SEC61A2: variants seen among roughly 807,000 people sequenced by gnomAD.
The protein encoded by SEC61A2 is SEC61 translocon subunit alpha 2.
A neutral mutation model predicts 59.9 loss-of-function variants in SEC61A2; 28 were observed. That is an observed-to-expected ratio of 0.47 (90% confidence interval 0.35 to 0.64). SEC61A2 has a LOEUF of 0.64. Among genes scored for constraint, SEC61A2 ranks in the 30% least tolerant of loss-of-function variants. The probability of loss-of-function intolerance (pLI) is 0.01; values close to 1 mark genes in which losing one functional copy is unlikely to be tolerated. For synonymous variants in SEC61A2, 202 were observed against 214.4 expected (o/e 0.94, Z 0.50); for missense variants, 340 against 585.9 (o/e 0.58, Z 4.33).
rs574565736 is a variant in SEC61A2 at position 12,163,475 on chromosome 10, C to A, written c.1245-793C>A. Among the ~76,000 whole-genome samples the A allele has an allele frequency of 1.5e-3, 226 of 152,122 alleles. 1 individual carries two copies. Among genetic ancestry groups the A allele is most frequent in the African/African-American group, 5.3e-3 (218 of 41,482 alleles). On this transcript the variant is annotated intron_variant, in intron 11 of 11. Transcript: ENST00000298428. ...TAGTAGCAGGGATTACAGGCACGCA[C>A]CACCATGCCCGGCTAATTTTTGTAT...
rs1384911557 is a variant in SEC61A2 at position 12,155,268 on chromosome 10, T to G, written c.463-510T>G. 7.7e-7 allele frequency: 1 copy of G among 1,299,226 alleles called. No individual in the cohort carries two copies. The highest frequency in any genetic ancestry group is 1.8e-5 in the South Asian group (1 of 54,146). 80.5% of individuals were successfully genotyped at this position (1,299,226 alleles called of 1,614,324 possible). On this transcript the variant is annotated intron_variant, in intron 6 of 11. Transcript: ENST00000298428. The surrounding 1 kb of genome is among the most constrained non-coding windows in gnomAD (Gnocchi z 4.3). The stretch of plus-strand genomic sequence containing the variant: ...AGTTTTTTATTCTGTACACATTTTA[T>G]AGAGTATACATATATATAATATATA...
chr10:12,133,011 C>G (rs1833796176), intron 1 of SEC61A2, among the ~76,000 whole-genome samples: 2 of 152,168 alleles, frequency 1.3e-5, no homozygotes, highest in Admixed American at 1.3e-4. Flanking sequence ...GCTTGGATTG[C>G]TTCACTTCTA....
chr10:12,140,172 G>A (rs1468146418), intron 3 of SEC61A2, among the ~76,000 whole-genome samples: 1 of 152,124 alleles, frequency 6.6e-6, no homozygotes, highest in African/African-American at 2.4e-5. Flanking sequence ...GTAGCCAATA[G>A]GCTGGTTGAC....
chr10:12,155,557 C>T lies in SEC61A2; in HGVS notation c.463-221C>T, dbSNP rs1834377808. Among the ~76,000 whole-genome samples, 1 of 152,158 alleles carries T rather than the reference C, an allele frequency of 6.6e-6. No homozygotes were observed. Among genetic ancestry groups the T allele is most frequent in the Non-Finnish European group, 1.5e-5 (1 of 68,032 alleles). ...AAATAGACTTTAAAAGTTGAAATGT[C>T]TGCTTTATAATACAACAGTATTTCC... On this transcript the variant is annotated intron_variant, in intron 6 of 11. Transcript: ENST00000298428. The surrounding 1 kb of genome is among the most constrained non-coding windows in gnomAD (Gnocchi z 4.3).
chr10:12,140,341 G>A (rs1833990383), intron 3 of SEC61A2, among the ~76,000 whole-genome samples: 1 of 152,168 alleles, frequency 6.6e-6, no homozygotes, highest in African/African-American at 2.4e-5. Context: ...ATTAAATATA[G>A]TGCAAAGTTT....
Position 12,158,903 on chromosome 10 carries a change from A to G in SEC61A2, c.975+798A>G, listed in dbSNP as rs984882380. Among the ~76,000 whole-genome samples, 3 of 152,126 alleles carry G rather than the reference A, an allele frequency of 2.0e-5. No homozygotes were observed. The highest frequency in any genetic ancestry group is 2.1e-4 in the South Asian group (1 of 4,832). On this transcript the variant is annotated intron_variant, in intron 9 of 11. Transcript: ENST00000298428. The surrounding 1 kb of genome is among the most constrained non-coding windows in gnomAD (Gnocchi z 5.7). ...GCTAGAGATAGGCATGCTATTAACT[A>G]GACGGTAGAGACAGCGGTGCTGCTA...
At chr10:12,168,802 C>T (rs1048476266), downstream of SEC61A2, among the ~76,000 whole-genome samples, 11 of 151,826 alleles carry the variant, frequency 7.2e-5, no homozygotes, top group African/African-American at 1.5e-4. The surrounding 1 kb of genome is among the most constrained non-coding windows in gnomAD (Gnocchi z 4.8). Flanking sequence ...CTCACTTTGT[C>T]GCCAGGCTGC....
At chr10:12,138,580 T>C (rs1351230565) in intron 3 of SEC61A2, among the ~76,000 whole-genome samples, 1 of 152,228 alleles carries the variant, frequency 6.6e-6, no homozygotes. Flanking sequence ...CCTGTGACTG[T>C]ACTTTGATTT....
intron 4 of SEC61A2, among the ~76,000 whole-genome samples, chr10:12,144,209 C>T (rs565651933): frequency 6.6e-6 from 1 of 152,098 alleles, no homozygotes; most frequent in African/African-American, 2.4e-5. Flanking sequence ...AATGCACTAG[C>T]AATTTATATA....
chr10:12,169,483 G>A (rs1834803384), downstream of SEC61A2: 2 of 569,682 alleles, frequency 3.5e-6, no homozygotes, highest in African/African-American at 1.9e-5. This position sits in a 1 kb window ranked among gnomAD's most constrained non-coding sequence, Gnocchi z 4.8. Context: ...GGTCCGCGGA[G>A]CCTCAAACCG....
chr10:12,163,832 T>A (rs938168602), intron 11 of SEC61A2, among the ~76,000 whole-genome samples: 3 of 152,172 alleles, frequency 2.0e-5, no homozygotes, highest in African/African-American at 7.2e-5. Flanking sequence ...TTAAATCCCA[T>A]TTTTCAGTTT....
Position 12,129,876 on chromosome 10 carries a change from C to T in SEC61A2, c.7+82C>T, listed in dbSNP as rs1442848486. 8.0e-6 allele frequency: 10 copies of T among 1,244,200 alleles called. No homozygotes were observed. Among genetic ancestry groups the T allele is most frequent in the Non-Finnish European group, 2.1e-6 (2 of 969,520 alleles). 77.1% of individuals were successfully genotyped at this position (1,244,200 alleles called of 1,614,324 possible). ...CTGCGGGCGGTGGGGCTGGCGCTCG[C>T]TCGGAGTCGTGGGGGCCAGGGATGC... On this transcript the variant is annotated intron_variant, in intron 1 of 11. Coordinates refer to ENST00000298428, the MANE Select transcript of SEC61A2 (RefSeq NM_018144.4). This position sits in a 1 kb window ranked among gnomAD's most constrained non-coding sequence, Gnocchi z 5.6.
chr10:12,168,029 T>A, downstream of SEC61A2: 1 of 717,694 alleles, frequency 1.4e-6, no homozygotes, highest in Non-Finnish European at 1.9e-6. The surrounding 1 kb of genome is among the most constrained non-coding windows in gnomAD (Gnocchi z 4.8). Flanking sequence ...GGATAATGAT[T>A]TTTTTTTTTT....
rs1258957620 is a variant in SEC61A2 at position 12,154,806 on chromosome 10, A to T, written c.463-972A>T. On this transcript the variant is annotated intron_variant, in intron 6 of 11. Coordinates refer to ENST00000298428, the MANE Select transcript of SEC61A2 (RefSeq NM_018144.4). The surrounding 1 kb of genome is among the most constrained non-coding windows in gnomAD (Gnocchi z 5.2). Reference sequence around the variant, plus strand: ...ACTTTGGTCGCTCTTCCAGCAGGTGATATTGGATAAAGTGAGTACAAAATG... The same window carrying T: ...ACTTTGGTCGCTCTTCCAGCAGGTGTTATTGGATAAAGTGAGTACAAAATG... Among the ~76,000 whole-genome samples, 1 of 152,154 alleles carries T rather than the reference A, an allele frequency of 6.6e-6. No homozygotes were observed. Among genetic ancestry groups the T allele is most frequent in the East Asian group, 1.9e-4 (1 of 5,198 alleles).
rs1042435802 is a variant in SEC61A2 at position 12,164,204 on chromosome 10, C to T, written c.1245-64C>T. On this transcript the variant is annotated intron_variant, in intron 11 of 11. Coordinates refer to ENST00000298428, the MANE Select transcript of SEC61A2 (RefSeq NM_018144.4). The surrounding 1 kb of genome is among the most constrained non-coding windows in gnomAD (Gnocchi z 7.3). The stretch of plus-strand genomic sequence containing the variant: ...TGGCTGCTGCGCCTCGACCTGTCTT[C>T]GTCTCTAGCTGCCGTGCTGTTCCTG... 1.2e-5 allele frequency: 19 copies of T among 1,578,952 alleles called. No individual in the cohort carries two copies. The highest frequency in any genetic ancestry group is 2.3e-5 in the South Asian group (2 of 87,304).
At position 12,163,568 on chromosome 10, in the gene SEC61A2, C is replaced by T. The variant is rs59680073; in HGVS notation, c.1245-700C>T. On this transcript the variant is annotated intron_variant, in intron 11 of 11. Coordinates refer to ENST00000298428, the MANE Select transcript of SEC61A2 (RefSeq NM_018144.4). ...TGAACTTCTGATCTAATCATCCACC[C>T]GCCTTGGCCTCCCAAAGTGTTGGGA... is the stretch of plus-strand genomic sequence containing the variant. Among the ~76,000 whole-genome samples, 945 of 152,106 alleles carry T rather than the reference C, an allele frequency of 6.2e-3. 10 individuals are homozygous for T. The highest frequency in any genetic ancestry group is 0.021 in the African/African-American group (887 of 41,482).
In SEC61A2 at chr10:12,161,987, G is replaced by C. The variant is rs1834539935; in HGVS notation, c.1168-226G>C. On this transcript the variant is annotated intron_variant, in intron 10 of 11. Transcript: ENST00000298428. The surrounding 1 kb of genome is among the most constrained non-coding windows in gnomAD (Gnocchi z 5.4). Reference sequence around the variant, plus strand: ...CTCCTGCAAAACAAAATCTTGTTTGGTAATTGAAGAAGGGTTGAGAAGCAC... The same window carrying C: ...CTCCTGCAAAACAAAATCTTGTTTGCTAATTGAAGAAGGGTTGAGAAGCAC... Among the ~76,000 whole-genome samples the C allele has an allele frequency of 6.6e-6, 1 of 152,102 alleles. No individual in the cohort carries two copies. The highest frequency in any genetic ancestry group is 2.4e-5 in the African/African-American group (1 of 41,424).
chr10:12,148,529 G>A (rs1214176587), intron 4 of SEC61A2, among the ~76,000 whole-genome samples: 1 of 151,442 alleles, frequency 6.6e-6, no homozygotes, highest in Non-Finnish European at 1.5e-5. Flanking sequence ...ACAGGTATGA[G>A]CCACCACACC....
Position 12,157,975 on chromosome 10 carries a change from A to G in SEC61A2, c.845A>G (p.Lys282Arg). ...GGACAGTACAGCAGCTACCCCATCA[A>G]ACTCTTCTACACCTCCAACATCCCC... ...YRGQYSSYPI[K>R]LFYTSNIPII... The change falls in exon 9 of 12, where the codon AAA becomes AGA. Residue 282 changes from lysine (K) to arginine (R), a missense_variant. By Grantham distance (26) the Lys-to-Arg change is conservative. This residue lies in a region of SEC61A2 where 283 missense variants were observed against 483.2 expected (regional missense o/e 0.59). Coordinates refer to ENST00000298428, the MANE Select transcript of SEC61A2 (RefSeq NM_018144.4). The G allele has an allele frequency of 6.2e-7, 1 of 1,613,884 alleles. No homozygotes were observed. The highest frequency in any genetic ancestry group is 1.3e-5 in the African/African-American group (1 of 74,948).
Sources: gnomAD v4.1 joint callset for allele counts (sites outside exome capture counted in the v4.1 genomes callset) on GRCh38, gnomAD v4.1.1 for gene constraint, gnomAD v4.1.1 regional missense constraint, Gnocchi (gnomAD v3.1) non-coding constraint, MANE v1.5 for transcripts, NCBI Gene and HGNC (gene_info 2026-07-23, HGNC 2026-07-21) for gene names.